The following NSUN4 variants were observed in gnomAD, a reference collection of about 807,000 sequenced individuals.
NSUN4 encodes the protein 5-cytosine rRNA methyltransferase NSUN4.
NSUN4 carries 31 observed loss-of-function variants against 43.8 expected under a neutral mutation model. That is an observed-to-expected ratio of 0.71 (90% CI 0.53 to 0.96). The LOEUF (loss-of-function observed/expected upper bound fraction) is 0.96, where lower values mean the gene tolerates loss of function less well. NSUN4 is among the 40% of genes least tolerant of loss of function. The probability of loss-of-function intolerance (pLI) is 0.00; values close to 1 mark genes in which losing one functional copy is unlikely to be tolerated. For synonymous variants in NSUN4, 167 were observed against 184.1 expected (o/e 0.91, Z 0.75); for missense variants, 439 against 475.6 (o/e 0.92, Z 0.72).
At chr1:46,371,974 T>C in the NSUN4 span, among the ~76,000 whole-genome samples, 5 of 152,060 alleles carry the variant, frequency 3.3e-5, no homozygotes, top group Admixed American at 6.6e-5. Context: ...CCACCTCCAG[T>C]AGCGGGGTTT....
downstream of NSUN4, among the ~76,000 whole-genome samples, chr1:46,365,599 C>G (rs952419485): frequency 6.6e-6 from 1 of 152,116 alleles, no homozygotes; most frequent in African/African-American, 2.4e-5. Context: ...ACCTCGGCCT[C>G]CCAAAGTGCT....
chr1:46,351,222 G>A lies in NSUN4; in HGVS notation c.593-1646G>A, dbSNP rs375143863. Among the ~76,000 whole-genome samples, 8 of 152,218 alleles carry A rather than the reference G, an allele frequency of 5.3e-5. No individual in the cohort carries two copies. The East Asian group carries it at 1.4e-3, about 26-fold the overall frequency. On this transcript the variant is annotated intron_variant, in intron 3 of 5. Coordinates refer to ENST00000474844, the MANE Select transcript of NSUN4 (RefSeq NM_199044.4). ...CTCTACTAAAAATACAAAATTTGCC[G>A]GCGTGGTGGCGCATGCCTGTAATCC...
At chr1:46,352,829 C>T (rs764416273) in intron 3 of NSUN4, 39 bp from the exon 4 acceptor site, 4 of 1,599,592 alleles carry the variant, frequency 2.5e-6, no homozygotes, top group Non-Finnish European at 2.6e-6. Flanking sequence ...TGGAATGTTT[C>T]ATTGGGTCAT....
the NSUN4 span, among the ~76,000 whole-genome samples, chr1:46,371,631 G>T: frequency 6.6e-6 from 1 of 152,018 alleles, no homozygotes; most frequent in Non-Finnish European, 1.5e-5. Context: ...TAGTAGAGAC[G>T]GGGTTTCACC....
chr1:46,371,746 C>G, the NSUN4 span, among the ~76,000 whole-genome samples: 2 of 151,996 alleles, frequency 1.3e-5, no homozygotes, highest in Middle Eastern at 3.4e-3. Context: ...GACCAGGGAG[C>G]TTTCAATCAT....
At chr1:46,341,650 C>T in intron 1 of NSUN4, 2 of 1,227,020 alleles carry the variant, frequency 1.6e-6, no homozygotes, top group Non-Finnish European at 2.0e-6. Context: ...TCTCTTCCAC[C>T]CCCACAACCT....
Position 46,361,657 on chromosome 1 carries a change from A to G in NSUN4, c.966A>G (p.Gln322=). Residue 322 remains glutamine (Q), a synonymous_variant, in exon 6 of 6, where the codon CAA becomes CAG. Coordinates refer to ENST00000474844, the MANE Select transcript of NSUN4 (RefSeq NM_199044.4). ...ACTTACAGAACGAGTATGTGGTGCA[A>G]GGTGCCATTGAGCTCCTGGCCAATC... is the stretch of plus-strand genomic sequence containing the variant. ...LSHLQNEYVV[Q]GAIELLANQY... The G allele has an allele frequency of 1.2e-6, 2 of 1,614,210 alleles. No individual in the cohort carries two copies. The highest frequency in any genetic ancestry group is 1.7e-6 in the Non-Finnish European group (2 of 1,180,030).
the NSUN4 span, among the ~76,000 whole-genome samples, chr1:46,383,554 C>T: frequency 8.1e-5 from 12 of 147,878 alleles, no homozygotes; most frequent in African/African-American, 3.0e-4. Flanking sequence ...CTCCCGGGTT[C>T]ACGCCATTCT....
At chr1:46,370,100 G>A (rs1664212335), downstream of NSUN4, among the ~76,000 whole-genome samples, 2 of 152,318 alleles carry the variant, frequency 1.3e-5, no homozygotes, top group South Asian at 4.1e-4. Flanking sequence ...GCTGAAGAGG[G>A]TGACTGGGAT....
chr1:46,353,377 TG>T (rs1300360066), intron 4 of NSUN4, among the ~76,000 whole-genome samples: 1 of 152,186 alleles, frequency 6.6e-6, no homozygotes, highest in Non-Finnish European at 1.5e-5. Flanking sequence ...GTACAGCACA[TG>T]GTACAAAATT....
the NSUN4 span, among the ~76,000 whole-genome samples, chr1:46,383,460 T>G: frequency 6.8e-6 from 1 of 148,060 alleles, no homozygotes; most frequent in South Asian, 2.2e-4. Flanking sequence ...TTTTTTTTTT[T>G]TTTTTTTTTT....
At chr1:46,373,929 G>T in the NSUN4 span, among the ~76,000 whole-genome samples, 1 of 148,204 alleles carries the variant, frequency 6.7e-6, no homozygotes. Flanking sequence ...GGCGTTGGGG[G>T]ATGGGGATGG....
chr1:46,381,781 T>G, the NSUN4 span, among the ~76,000 whole-genome samples: 191 of 152,302 alleles, frequency 1.3e-3, 3 homozygotes, highest in Non-Finnish European at 1.8e-4. Flanking sequence ...TCCTATTCTT[T>G]TACTCAGGAA....
rs1557745812 is a variant in NSUN4 at position 46,362,150 on chromosome 1, AC to A, written c.*305del. ...TGAGCAGGCTCACACTAAGTTGTAA[AC>A]ATAGGAGAAGCATTTGGCCAATAAA... On this transcript the variant is annotated 3_prime_UTR_variant, in exon 6 of 6. Transcript: ENST00000474844. The A allele has an allele frequency of 2.6e-6, 1 of 385,364 alleles. No individual in the cohort carries two copies. 23.9% of individuals were successfully genotyped at this position (385,364 alleles called of 1,614,324 possible).
intron 4 of NSUN4, among the ~76,000 whole-genome samples, chr1:46,357,420 C>T (rs1663463329): frequency 6.6e-6 from 1 of 152,172 alleles, no homozygotes; most frequent in African/African-American, 2.4e-5. Context: ...TGGGCTAAAG[C>T]CATCCGCCCG....
At chr1:46,355,036 C>T (rs1286687656) in intron 4 of NSUN4, among the ~76,000 whole-genome samples, 1 of 152,218 alleles carries the variant, frequency 6.6e-6, no homozygotes, top group African/African-American at 2.4e-5. Flanking sequence ...TCCTGTCAGC[C>T]TAACCAGTTT....
chr1:46,346,551 C>CAAA (rs10653801), intron 2 of NSUN4, among the ~76,000 whole-genome samples: 45 of 82,450 alleles, frequency 5.5e-4, no homozygotes, highest in African/African-American at 7.4e-4. Flanking sequence ...GACTGTGTCT[C>CAAA]AAAAAAAAAA....
chr1:46,370,277 A>G, the NSUN4 span, among the ~76,000 whole-genome samples: 6 of 150,180 alleles, frequency 4.0e-5, no homozygotes, highest in Admixed American at 1.4e-4. Flanking sequence ...AGCTGGGACC[A>G]GTAGAAGGAA....
At chr1:46,348,822 T>G (rs1286508324) in intron 3 of NSUN4, among the ~76,000 whole-genome samples, 14 of 143,244 alleles carry the variant, frequency 9.8e-5, no homozygotes, top group African/African-American at 3.7e-4. Context: ...TTTTTTTTTT[T>G]TTTTTTTTTT....
Sources: gnomAD v4.1 joint callset for allele counts (sites outside exome capture counted in the v4.1 genomes callset) on GRCh38, gnomAD v4.1.1 for gene constraint, MANE v1.5 for transcripts, NCBI Gene and HGNC (gene_info 2026-07-23, HGNC 2026-07-21) for gene names.